The following SPAG11A variants were observed in gnomAD, a reference collection of about 807,000 sequenced individuals.
SPAG11A encodes the protein sperm-associated antigen 11A.
A neutral mutation model predicts 5.5 loss-of-function variants in SPAG11A; 2 were observed. The observed-to-expected ratio is 0.37, with a 90% confidence interval of 0.15 to 1.15. The LOEUF (loss-of-function observed/expected upper bound fraction) is 1.15, where lower values mean the gene tolerates loss of function less well. Among genes scored for constraint, SPAG11A ranks in the 50% most tolerant of loss-of-function variants. SPAG11A has a pLI of 0.38. For missense variants in SPAG11A, 24 were observed against 122.5 expected (o/e 0.20, Z 3.80); for synonymous variants, 11 against 42.7 (o/e 0.26, Z 2.90).
At chr8:7,852,856 ATTT>A (rs747969353) in intron 2 of SPAG11A, among the ~76,000 whole-genome samples, 1 of 38,248 alleles carries the variant, frequency 2.6e-5, no homozygotes, top group African/African-American at 7.0e-5. Context: ...GAGCCCTTCT[ATTT>A]TTTTTTTTTT....
Position 7,860,892 on chromosome 8 carries a change from T to C in SPAG11A, c.*59T>C. On this transcript the variant is annotated 3_prime_UTR_variant, in exon 3 of 3. Transcript: ENST00000642566. ...TATCCCAAGGGCTTAAAGGAATGTG[T>C]GGCTTATAGTAGGTGTTCAATAAAT... is the stretch of plus-strand genomic sequence containing the variant. The C allele has an allele frequency of 6.4e-6, 7 of 1,089,096 alleles. 2 individuals carry two copies. Among genetic ancestry groups the C allele is most frequent in the Non-Finnish European group, 6.1e-6 (5 of 816,158 alleles). The allele number at this position is 1,089,096 out of a possible 1,614,324, so 67.5% of individuals were successfully genotyped here.
intron 2 of SPAG11A, among the ~76,000 whole-genome samples, chr8:7,858,319 TATC>T (rs1383866738): frequency 1.7e-5 from 2 of 115,036 alleles, no homozygotes; most frequent in Non-Finnish European, 4.1e-5. Flanking sequence ...CACACAAAAA[TATC>T]GTGTCCTTGC....
chr8:7,852,417 GATTCTCCCAGGTTCAAGCA>G (rs1212875345), intron 2 of SPAG11A, among the ~76,000 whole-genome samples: 2 of 152,140 alleles, frequency 1.3e-5, no homozygotes, highest in African/African-American at 2.4e-5. Context: ...GGGTTCAAGC[GATTCTCCCAGGTTCAAGCA>G]ATTCTCCTGC....
At chr8:7,852,592 C>A (rs530605453) in intron 2 of SPAG11A, among the ~76,000 whole-genome samples, 8 of 152,212 alleles carry the variant, frequency 5.3e-5, no homozygotes, top group Non-Finnish European at 1.0e-4. Context: ...CTCGGCCTCC[C>A]GAAGTGCTGG....
At chr8:7,860,533 C>T (rs1818173889) in intron 2 of SPAG11A, 113 bp from the exon 3 acceptor site, 2 of 1,353,536 alleles carry the variant, frequency 1.5e-6, no homozygotes, top group African/African-American at 1.4e-5. Context: ...TGGGGCTTGT[C>T]CAAAAATACT....
chr8:7,852,889 G>C (rs374252623), intron 2 of SPAG11A, among the ~76,000 whole-genome samples: 3,120 of 49,588 alleles, frequency 0.063, 28 homozygotes, highest in East Asian at 0.1. Context: ...TTTGGATTTT[G>C]AAGTTCAGTT....
At chr8:7,863,634 T>C, downstream of SPAG11A, 1 of 1,570,430 alleles carries the variant, frequency 6.4e-7, no homozygotes, top group Non-Finnish European at 8.7e-7. Context: ...GGCAGCTCTC[T>C]GCAGCCGAAG....
At chr8:7,860,112 A>G (rs1437883324) in intron 2 of SPAG11A, among the ~76,000 whole-genome samples, 5 of 149,284 alleles carry the variant, frequency 3.3e-5, no homozygotes, top group African/African-American at 7.4e-5. Flanking sequence ...TCTTTCAACC[A>G]TCTCTTGCCC....
intron 2 of SPAG11A, among the ~76,000 whole-genome samples, chr8:7,852,417 G>GATTCTCCCAGGTTCAAGCA (rs1212875345): frequency 6.6e-6 from 1 of 152,142 alleles, no homozygotes; most frequent in Non-Finnish European, 1.5e-5. Context: ...GGGTTCAAGC[G>GATTCTCCCAGGTTCAAGCA]ATTCTCCCAG....
chr8:7,852,428 G>T (rs1817959261), intron 2 of SPAG11A, among the ~76,000 whole-genome samples: 1 of 152,174 alleles, frequency 6.6e-6, no homozygotes, highest in Non-Finnish European at 1.5e-5. Context: ...ATTCTCCCAG[G>T]TTCAAGCAAT....
chr8:7,858,067 G>T (rs200796431), intron 2 of SPAG11A, among the ~76,000 whole-genome samples: 1,797 of 90,040 alleles, frequency 0.02, no homozygotes, highest in East Asian at 0.069. Context: ...TAAAAATGGG[G>T]TATGGATTCA....
chr8:7,852,118 C>A (rs1312405275), intron 2 of SPAG11A, among the ~76,000 whole-genome samples: 3 of 145,386 alleles, frequency 2.1e-5, no homozygotes, highest in East Asian at 4.0e-4. Context: ...CAGAAAGAAC[C>A]GATCTGTGTG....
downstream of SPAG11A, chr8:7,861,098 G>A (rs1158261892): frequency 5.6e-5 from 17 of 301,342 alleles, 2 homozygotes; most frequent in East Asian, 1.1e-3. Context: ...ACTAGAAACC[G>A]AGCTCCAAAC....
Position 7,852,580 on chromosome 8 carries a change from G to A in SPAG11A, c.214+3737G>A, listed in dbSNP as rs141894226. Among the ~76,000 whole-genome samples the A allele has an allele frequency of 5.3e-3, 800 of 151,766 alleles. 1 individual carries two copies. Among genetic ancestry groups the A allele is most frequent in the Non-Finnish European group, 7.4e-3 (502 of 67,798 alleles). ...ACTCCCGACCTCAGGTGATCTGTCC[G>A]CCTCGGCCTCCCGAAGTGCTGGAAT... On this transcript the variant is annotated intron_variant, in intron 2 of 2. Transcript: ENST00000642566.
chr8:7,861,413 G>A (rs1818211271), downstream of SPAG11A, among the ~76,000 whole-genome samples: 1 of 147,044 alleles, frequency 6.8e-6, no homozygotes, highest in African/African-American at 2.5e-5. Context: ...AAAATCATCA[G>A]GTGAAGCACA....
At chr8:7,852,238 T>C (rs1316349464) in intron 2 of SPAG11A, among the ~76,000 whole-genome samples, 1 of 151,998 alleles carries the variant, frequency 6.6e-6, no homozygotes, top group Non-Finnish European at 1.5e-5. Context: ...TAGTTGAGCG[T>C]TTTTTCTTTT....
downstream of SPAG11A, among the ~76,000 whole-genome samples, chr8:7,861,402 G>A (rs1387557553): frequency 6.8e-6 from 1 of 147,300 alleles, no homozygotes; most frequent in Non-Finnish European, 1.5e-5. Flanking sequence ...AAAGAAAAAT[G>A]AAAATCATCA....
intron 2 of SPAG11A, among the ~76,000 whole-genome samples, chr8:7,858,594 G>T (rs1818108440): frequency 1.1e-5 from 1 of 91,492 alleles, no homozygotes; most frequent in South Asian, 4.6e-4. Flanking sequence ...TTTTCTTTCA[G>T]CATAGCGTTT....
intron 2 of SPAG11A, chr8:7,860,397 G>A: frequency 7.0e-7 from 1 of 1,429,068 alleles, no homozygotes; most frequent in Non-Finnish European, 9.5e-7. Flanking sequence ...GATCTGCGTG[G>A]GCTTTTTAGG....
Sources: allele counts gnomAD v4.1 joint callset (sites outside exome capture counted in the v4.1 genomes callset), GRCh38; gene constraint gnomAD v4.1.1; transcripts MANE v1.5; gene names NCBI Gene and HGNC (gene_info 2026-07-23, HGNC 2026-07-21).